Variants in ALG5 observed in about 807,000 individuals in gnomAD.
ALG5 encodes the protein dolichyl-phosphate beta-glucosyltransferase.
In ALG5, 26 loss-of-function variants were observed where a neutral mutation model predicts 51.8. The ratio of observed to expected loss-of-function variants is 0.50; its 90% CI spans 0.37 to 0.70. ALG5 has a LOEUF of 0.70. Ranked by LOEUF, ALG5 falls within the 30% of genes least tolerant of loss-of-function variation. The probability of loss-of-function intolerance (pLI) is 0.00; values close to 1 mark genes in which losing one functional copy is unlikely to be tolerated. For synonymous variants in ALG5, 141 were observed against 136.1 expected, an observed-to-expected ratio of 1.04 and a Z score of -0.25; for missense variants, 311 against 399.3, an observed-to-expected ratio of 0.78 and a Z score of 1.88.
chr13:36,952,160 TA>T (rs1007838575), intron 9 of ALG5, among the ~76,000 whole-genome samples: 154 of 152,040 alleles, frequency 1.0e-3, no homozygotes, highest in African/African-American at 3.5e-3. Context: ...CACCTAGTGA[TA>T]AAAAAAATAT....
intron 8 of ALG5, among the ~76,000 whole-genome samples, chr13:36,960,800 C>A (rs1224307045): frequency 6.6e-6 from 1 of 151,938 alleles, no homozygotes; most frequent in Non-Finnish European, 1.5e-5. Context: ...CACCACCATG[C>A]CCAGTTAATT....
chr13:36,991,064 G>A (rs970497429), intron 4 of ALG5, among the ~76,000 whole-genome samples: 1 of 152,170 alleles, frequency 6.6e-6, no homozygotes, highest in Non-Finnish European at 1.5e-5. Flanking sequence ...CATAGCATAG[G>A]AGATCCTTTG....
intron 5 of ALG5, among the ~76,000 whole-genome samples, chr13:36,988,139 C>G (rs897237528): frequency 6.6e-6 from 1 of 152,196 alleles, no homozygotes; most frequent in Non-Finnish European, 1.5e-5. Context: ...TCTGGGACAT[C>G]TGTGCTGCTG....
chr13:36,957,103 T>C (rs1036980919), intron 8 of ALG5, among the ~76,000 whole-genome samples: 6 of 151,978 alleles, frequency 3.9e-5, no homozygotes, highest in African/African-American at 1.2e-4. Context: ...TAGGCATTGA[T>C]AGCACCCATC....
chr13:36,994,563 A>C (rs2059040161), intron 3 of ALG5, among the ~76,000 whole-genome samples: 1 of 149,604 alleles, frequency 6.7e-6, no homozygotes, highest in South Asian at 2.1e-4. Flanking sequence ...CTGTTTATTC[A>C]AACCCAGTTA....
In ALG5 at chr13:36,996,676, C is replaced by A. The variant is rs370288402; in HGVS notation, c.67-1080G>T. 2.0e-5 allele frequency among the ~76,000 whole-genome samples: 3 copies of A among 152,214 alleles called. No individual in the cohort carries two copies. In the East Asian group the frequency reaches 5.8e-4, roughly 29 times the overall value. On this transcript the variant is annotated intron_variant, in intron 1 of 9. Coordinates refer to ENST00000239891, the MANE Select transcript of ALG5 (RefSeq NM_013338.5). Reference sequence around the variant, plus strand: ...AAACTGGGTAAGATGCAGGAAGGATCTCATTTCAAAAATTTGCCTTTTGCG... The same window carrying A: ...AAACTGGGTAAGATGCAGGAAGGATATCATTTCAAAAATTTGCCTTTTGCG...
intron 3 of ALG5, 39 bp from the exon 4 acceptor site, chr13:36,993,711 A>C (rs774389810): frequency 1.8e-5 from 27 of 1,535,042 alleles, no homozygotes; most frequent in African/African-American, 1.4e-5. Context: ...ATTTGGCATA[A>C]CTGCCATAAA....
intron 6 of ALG5, among the ~76,000 whole-genome samples, chr13:36,973,472 T>C (rs919929343): frequency 1.3e-5 from 2 of 152,186 alleles, no homozygotes; most frequent in Non-Finnish European, 2.9e-5. Flanking sequence ...CTTAACTGAA[T>C]AATGGGACAT....
intron 3 of ALG5, 73 bp from the exon 4 acceptor site, chr13:36,993,745 A>T (rs2059036033): frequency 7.9e-7 from 1 of 1,266,456 alleles, no homozygotes. Flanking sequence ...ATCACCAGTA[A>T]TTTAAAAAAC....
intron 7 of ALG5, chr13:36,967,827 G>T (rs1052806083): frequency 7.5e-6 from 9 of 1,207,918 alleles, no homozygotes; most frequent in Middle Eastern, 2.2e-4. Context: ...GGAACAAATA[G>T]AAATTGAAAG....
At chr13:36,992,024 G>A (rs1329180502) in intron 4 of ALG5, among the ~76,000 whole-genome samples, 1 of 152,174 alleles carries the variant, frequency 6.6e-6, no homozygotes, top group Non-Finnish European at 1.5e-5. Context: ...AGGAATGCGT[G>A]AGACTGAAAA....
At chr13:36,952,311 C>T (rs182910982) in intron 9 of ALG5, among the ~76,000 whole-genome samples, 1 of 152,244 alleles carries the variant, frequency 6.6e-6, no homozygotes, top group East Asian at 1.9e-4. Flanking sequence ...CTGAAGGCCC[C>T]ATGAACAGAC....
At chr13:36,995,290 A>AG (rs2059044008) in intron 2 of ALG5, 135 bp downstream of exon 2, 20 of 989,870 alleles carry the variant, frequency 2.0e-5, no homozygotes, top group Non-Finnish European at 3.0e-5. Context: ...CTGCCGAACT[A>AG]CAACAATTAT....
At chr13:36,971,057 AG>A (rs1296602085) in intron 7 of ALG5, among the ~76,000 whole-genome samples, 8 of 152,172 alleles carry the variant, frequency 5.3e-5, no homozygotes, top group Non-Finnish European at 1.0e-4. Flanking sequence ...ATTGGGGGAA[AG>A]GTTCAACCTT....
intron 6 of ALG5, among the ~76,000 whole-genome samples, chr13:36,981,273 T>C (rs2138814012): frequency 6.6e-6 from 1 of 152,174 alleles, no homozygotes; most frequent in Non-Finnish European, 1.5e-5. Context: ...TAGAAACCAC[T>C]GTAAAACGTA....
chr13:36,965,493 T>A lies in ALG5; in HGVS notation c.773+82A>T. The A allele has an allele frequency of 5.1e-6, 7 of 1,365,774 alleles. 1 individual carries two copies. The South Asian group carries it at 1.0e-4, about 20-fold the overall frequency. 84.6% of individuals were successfully genotyped at this position (1,365,774 alleles called of 1,614,324 possible). ...TTTGTTTAAATCTACATGTTCATTA[T>A]AAATATACAGGGCTGTTTCTCATTA... On this transcript the variant is annotated intron_variant, in intron 8 of 9. Coordinates refer to ENST00000239891, the MANE Select transcript of ALG5 (RefSeq NM_013338.5).
At chr13:36,985,837 A>G in intron 5 of ALG5, 97 bp from the exon 6 acceptor site, 1 of 727,878 alleles carries the variant, frequency 1.4e-6, no homozygotes, top group Non-Finnish European at 2.2e-6. Flanking sequence ...CTAAGAGTGA[A>G]AGATGAGGTA....
chr13:36,968,701 T>C (rs578221773), intron 7 of ALG5, among the ~76,000 whole-genome samples: 18 of 152,370 alleles, frequency 1.2e-4, no homozygotes, highest in Admixed American at 3.3e-4. Flanking sequence ...TGTCATTTGC[T>C]ATCTTGATTA....
intron 8 of ALG5, among the ~76,000 whole-genome samples, chr13:36,953,990 G>C (rs1205912890): frequency 6.6e-6 from 1 of 151,928 alleles, no homozygotes; most frequent in Non-Finnish European, 1.5e-5. Flanking sequence ...TCAGTATATA[G>C]CTAGTGACTT....
Sources: allele counts gnomAD v4.1 joint callset (sites outside exome capture counted in the v4.1 genomes callset), GRCh38; gene constraint gnomAD v4.1.1; transcripts MANE v1.5; gene names NCBI Gene and HGNC (gene_info 2026-07-23, HGNC 2026-07-21).